HORMAD1: variants seen among roughly 807,000 people sequenced by gnomAD.
The protein encoded by HORMAD1 is HORMA domain containing 1, also known as HORMA domain-containing protein 1.
A neutral mutation model predicts 58.2 loss-of-function variants in HORMAD1; 33 were observed. That is an observed-to-expected ratio of 0.57 (90% CI 0.43 to 0.76). The LOEUF (loss-of-function observed/expected upper bound fraction) is 0.76, where lower values mean the gene tolerates loss of function less well. Ranked by LOEUF, HORMAD1 falls within the 30% of genes least tolerant of loss-of-function variation. The pLI, the probability that HORMAD1 is intolerant of heterozygous loss-of-function variation, is 0.00. For synonymous variants in HORMAD1, 137 were observed against 144.6 expected, an observed-to-expected ratio of 0.95 and a Z score of 0.38; for missense variants, 363 against 462.0, an observed-to-expected ratio of 0.79 and a Z score of 1.96.
intron 2 of HORMAD1, among the ~76,000 whole-genome samples, chr1:150,718,683 G>C (rs587637268): frequency 3.9e-5 from 6 of 152,100 alleles, no homozygotes; most frequent in African/African-American, 1.2e-4. Flanking sequence ...GGAGTGCAGT[G>C]GTGTGATCTC....
chr1:150,715,550 A>G (rs773450797), intron 3 of HORMAD1, among the ~76,000 whole-genome samples: 1 of 152,178 alleles, frequency 6.6e-6, no homozygotes, highest in Non-Finnish European at 1.5e-5. Flanking sequence ...ATGTACTGAG[A>G]AATAAGTTAT....
intron 9 of HORMAD1, among the ~76,000 whole-genome samples, chr1:150,707,873 C>CT (rs1651746664): frequency 6.6e-6 from 1 of 152,078 alleles, no homozygotes; most frequent in Non-Finnish European, 1.5e-5. Flanking sequence ...GAGGTGGAGG[C>CT]TGCAGTGAGC....
intron 5 of HORMAD1, 45 bp from the exon 6 acceptor site, chr1:150,711,898 A>G (rs1392683419): frequency 4.0e-6 from 5 of 1,256,386 alleles, no homozygotes; most frequent in East Asian, 4.8e-5. Flanking sequence ...AGTCTATAAA[A>G]TAATTTTTCA....
At chr1:150,707,528 T>C (rs1651731609) in intron 9 of HORMAD1, among the ~76,000 whole-genome samples, 1 of 152,226 alleles carries the variant, frequency 6.6e-6, no homozygotes, top group South Asian at 2.1e-4. Context: ...ATCTTCAATA[T>C]ATTTTTCTCA....
At chr1:150,714,218 C>T (rs887920290) in intron 4 of HORMAD1, 97 bp from the exon 5 acceptor site, 2 of 706,820 alleles carry the variant, frequency 2.8e-6, no homozygotes, top group Admixed American at 2.8e-5. Context: ...CTAAATAATA[C>T]AAAAATGTCT....
At chr1:150,709,873 AC>A (rs776767917) in intron 7 of HORMAD1, among the ~76,000 whole-genome samples, 93 of 152,366 alleles carry the variant, frequency 6.1e-4, no homozygotes, top group South Asian at 1.0e-3. Flanking sequence ...GTGGTGAGAA[AC>A]AAATCTGGCT....
Position 150,717,508 on chromosome 1 carries a change from AT to A in HORMAD1, c.34-227del, listed in dbSNP as rs140527786. ...GCAAAAAGTATCTAAAAATCTTTTA[AT>A]TTTTTTTTTTTATTTTTAAAAAAAT... On this transcript the variant is annotated intron_variant, in intron 2 of 14. Coordinates refer to ENST00000361824, the MANE Select transcript of HORMAD1 (RefSeq NM_032132.5). 5.8e-4 allele frequency among the ~76,000 whole-genome samples: 87 copies of A among 149,602 alleles called. 1 individual carries two copies. The highest frequency in any genetic ancestry group is 8.3e-4 in the African/African-American group (34 of 40,806).
intron 3 of HORMAD1, 32 bp from the exon 4 acceptor site, chr1:150,714,710 C>A (rs759655670): frequency 4.4e-6 from 5 of 1,143,988 alleles, no homozygotes; most frequent in African/African-American, 3.2e-5. Flanking sequence ...TATAGAGTTA[C>A]TTAAGAAAAG....
At position 150,706,753 on chromosome 1, in the gene HORMAD1, T is replaced by C. The variant is rs1651707982; in HGVS notation, c.604A>G (p.Ile202Val). 1.2e-6 allele frequency: 2 copies of C among 1,613,640 alleles called. No homozygotes were observed. The highest frequency in any genetic ancestry group is 2.2e-5 in the South Asian group (2 of 91,042). ...AAATACATAGGTTCCCCTTCAAATA[T>C]AACTCCTTCACAATCACCATCCTTA... ...GFKDGDCEGV[I>V]FEGEPMYLNV... Residue 202 changes from isoleucine to valine, a missense_variant, in exon 10 of 15, where the codon ATA (isoleucine) becomes GTA (valine). Ile to Val is a conservative substitution (Grantham distance 29, BLOSUM62 3). This residue lies in a region of HORMAD1 where 226 missense variants were observed against 257.8 expected (regional missense o/e 0.88). Coordinates refer to ENST00000361824, the MANE Select transcript of HORMAD1 (RefSeq NM_032132.5).
chr1:150,714,871 T>C (rs1217890651), intron 3 of HORMAD1, among the ~76,000 whole-genome samples, 193 bp from the exon 4 acceptor site: 1 of 152,100 alleles, frequency 6.6e-6, no homozygotes, highest in Non-Finnish European at 1.5e-5. Flanking sequence ...CTGGAACTTC[T>C]GCCTTCCGAG....
intron 5 of HORMAD1, among the ~76,000 whole-genome samples, chr1:150,712,652 G>C (rs994708319): frequency 1.3e-5 from 2 of 152,068 alleles, no homozygotes; most frequent in East Asian, 3.9e-4. Context: ...AGGTTCAAGC[G>C]ATTCTCCTGC....
At chr1:150,713,948 T>C (rs763233151) in intron 5 of HORMAD1, 137 bp downstream of exon 5, 5 of 652,156 alleles carry the variant, frequency 7.7e-6, no homozygotes, top group Non-Finnish European at 8.3e-6. Context: ...AATATTCAAA[T>C]GTTTAGGCTT....
intron 13 of HORMAD1, among the ~76,000 whole-genome samples, chr1:150,701,309 G>A (rs1296433658): frequency 6.6e-6 from 1 of 152,164 alleles, no homozygotes; most frequent in Non-Finnish European, 1.5e-5. Flanking sequence ...TCTAGAAGTA[G>A]TAAATCTTGA....
chr1:150,704,771 A>G lies in HORMAD1; in HGVS notation c.805-428T>C, dbSNP rs1448792378. Reference sequence around the variant, plus strand: ...AAACAAAAAAACCCAAGCCAGGCGCAATGGCTTACGCCTGTGTTCCCAGCA... The same window carrying G: ...AAACAAAAAAACCCAAGCCAGGCGCGATGGCTTACGCCTGTGTTCCCAGCA... On this transcript the variant is annotated intron_variant, in intron 10 of 14. Coordinates refer to ENST00000361824, the MANE Select transcript of HORMAD1 (RefSeq NM_032132.5). Among the ~76,000 whole-genome samples, 3 of 152,098 alleles carry G rather than the reference A, an allele frequency of 2.0e-5. No individual in the cohort carries two copies. In the East Asian group the frequency reaches 5.8e-4, roughly 29 times the overall value.
At position 150,706,598 on chromosome 1, in the gene HORMAD1, G is replaced by C. The variant is rs750824225; in HGVS notation, c.759C>G (p.Ile253Met). The change falls in exon 10 of 15, where the codon ATC (isoleucine) becomes ATG (methionine). Residue 253 changes from isoleucine (I) to methionine (M), a missense_variant. Ile to Met is a conservative substitution (Grantham distance 10). Transcript: ENST00000361824. The part of the protein sequence containing the change: ...PKQIKTPFQK[I>M]LRDKDVEDEQ... Reference sequence around the variant, plus strand: ...CATCTTCTACATCTTTGTCCCTCAGGATTTTTTGAAATGGTGTTTTTATTT... The same window carrying C: ...CATCTTCTACATCTTTGTCCCTCAGCATTTTTTGAAATGGTGTTTTTATTT... The C allele has an allele frequency of 6.2e-7, 1 of 1,611,550 alleles. No homozygotes were observed. The highest frequency in any genetic ancestry group is 1.1e-5 in the South Asian group (1 of 90,974).
chr1:150,703,099 T>C (rs978146755), intron 13 of HORMAD1, among the ~76,000 whole-genome samples: 1 of 152,190 alleles, frequency 6.6e-6, no homozygotes, highest in Non-Finnish European at 1.5e-5. Flanking sequence ...AATGGCTCTG[T>C]ATCATTGCTT....
chr1:150,714,556 C>T (rs1652010548), intron 4 of HORMAD1, 59 bp downstream of exon 4: 4 of 905,280 alleles, frequency 4.4e-6, no homozygotes, highest in Non-Finnish European at 6.5e-6. Context: ...ATCCAAGGTA[C>T]AAAAAAAAGT....
intron 8 of HORMAD1, 55 bp from the exon 9 acceptor site, chr1:150,708,462 A>C: frequency 8.8e-7 from 1 of 1,133,436 alleles, no homozygotes; most frequent in Non-Finnish European, 1.2e-6. Flanking sequence ...TTCTAATATC[A>C]TAACTTTACA....
In HORMAD1 at chr1:150,717,190, C is replaced by T. The variant is rs146673626; in HGVS notation, c.126G>A (p.Thr42=). 1.0e-5 allele frequency: 16 copies of T among 1,591,198 alleles called. No homozygotes were observed. In the South Asian group the frequency reaches 1.7e-4, roughly 17 times the overall value. Residue 42 remains threonine, a synonymous_variant, in exon 3 of 15, where the codon ACG becomes ACA. Transcript: ENST00000361824. The part of the protein sequence containing the change: ...RLLAVSVSCI[T]YLRGIFPECA... ...ATTCTGGGAATATTCCCCTCAAATA[C>T]GTGATACAGGATACTGAAACTGCTA...
Sources: gnomAD v4.1 joint callset for allele counts (sites outside exome capture counted in the v4.1 genomes callset) on GRCh38, gnomAD v4.1.1 for gene constraint, gnomAD v4.1.1 regional missense constraint, MANE v1.5 for transcripts, NCBI Gene and HGNC (gene_info 2026-07-23, HGNC 2026-07-21) for gene names.